Variants in ZHX2 observed in about 807,000 individuals in gnomAD.
The protein encoded by ZHX2 is zinc fingers and homeoboxes 2.
Under a neutral mutation model 21.9 loss-of-function variants are expected in ZHX2, and 6 were observed. That is an observed-to-expected ratio of 0.27 (90% CI 0.15 to 0.54). The LOEUF (loss-of-function observed/expected upper bound fraction) is 0.54. Among genes scored for constraint, ZHX2 ranks in the 20% least tolerant of loss-of-function variants. ZHX2 has a pLI of 0.95. For missense variants in ZHX2, 908 were observed against 1,090.7 expected, an observed-to-expected ratio of 0.83 and a Z score of 2.36; for synonymous variants, 434 against 437.1, an observed-to-expected ratio of 0.99 and a Z score of 0.09.
chr8:122,884,515 G>A (rs1819792061), intron 2 of ZHX2, among the ~76,000 whole-genome samples: 1 of 152,204 alleles, frequency 6.6e-6, no homozygotes, highest in African/African-American at 2.4e-5. Context: ...GCCTCTTGCT[G>A]GTGTCACAAA....
In ZHX2 at chr8:122,952,865, C is replaced by T. The variant is rs2130286582; in HGVS notation, c.1355C>T (p.Ala452Val). Residue 452 changes from alanine to valine, a missense_variant, in exon 3 of 4, where the codon GCA (alanine) becomes GTA (valine). Physicochemically the swap from Ala to Val is moderately conservative, Grantham distance 64 (BLOSUM62 0). This residue lies in a region of ZHX2 where 232 missense variants were observed against 361.8 expected (regional missense o/e 0.64). Coordinates refer to ENST00000314393, the MANE Select transcript of ZHX2 (RefSeq NM_014943.5). The surrounding 1 kb of genome is among the most constrained non-coding windows in gnomAD (Gnocchi z 6.9). ...CGCAAGAAGACAAAGGAGCAGATAG[C>T]ACATCTCAAGGCCAGCTTTCTCCAG... ...SDRKKTKEQI[A>V]HLKASFLQSQ... is the part of the protein sequence containing the mutation. The T allele has an allele frequency of 1.2e-6, 2 of 1,614,156 alleles. No homozygotes were observed. Among genetic ancestry groups the T allele is most frequent in the Middle Eastern group, 1.6e-4 (1 of 6,062 alleles).
At chr8:122,809,229 G>C (rs775066403) in intron 1 of ZHX2, 1 of 152,552 alleles carries the variant, frequency 6.6e-6, no homozygotes, top group Non-Finnish European at 1.5e-5. Context: ...CAGGTACAGT[G>C]GCTCATGCCT....
chr8:122,923,923 A>G (rs141367666), intron 2 of ZHX2, among the ~76,000 whole-genome samples: 2 of 152,254 alleles, frequency 1.3e-5, no homozygotes, highest in East Asian at 3.9e-4. Context: ...TATACATCAA[A>G]TTTGCTAAAA....
At chr8:122,971,922 G>A (rs1813735331) in intron 3 of ZHX2, among the ~76,000 whole-genome samples, 1 of 152,156 alleles carries the variant, frequency 6.6e-6, no homozygotes, top group Non-Finnish European at 1.5e-5. Flanking sequence ...AGTTCTGCAG[G>A]CCAGAAGACA....
At chr8:122,966,367 G>A (rs547630854) in intron 3 of ZHX2, among the ~76,000 whole-genome samples, 1 of 152,230 alleles carries the variant, frequency 6.6e-6, no homozygotes, top group South Asian at 2.1e-4. Context: ...AATTCTCTCA[G>A]TATTTGTTTG....
chr8:122,956,523 G>C (rs964067421), intron 3 of ZHX2, among the ~76,000 whole-genome samples: 4 of 152,112 alleles, frequency 2.6e-5, no homozygotes, highest in Admixed American at 6.6e-5. Context: ...GAAGGAGTTA[G>C]CCAAGTGCAC....
chr8:122,940,090 T>G (rs529533461), intron 2 of ZHX2, among the ~76,000 whole-genome samples: 34 of 152,324 alleles, frequency 2.2e-4, no homozygotes, highest in African/African-American at 8.2e-4. Flanking sequence ...TGGTATTCTC[T>G]GGCTTGCATG....
At chr8:122,825,259 CCCA>C (rs1818239768) in intron 1 of ZHX2, among the ~76,000 whole-genome samples, 1 of 152,152 alleles carries the variant, frequency 6.6e-6, no homozygotes, top group Non-Finnish European at 1.5e-5. Context: ...CCTGATGACC[CCCA>C]CACCTTCTGT....
At chr8:122,965,345 C>T (rs995506737) in intron 3 of ZHX2, among the ~76,000 whole-genome samples, 1 of 151,954 alleles carries the variant, frequency 6.6e-6, no homozygotes, top group Non-Finnish European at 1.5e-5. Flanking sequence ...TGATCAGTTG[C>T]ATCACTATTA....
intron 2 of ZHX2, among the ~76,000 whole-genome samples, chr8:122,877,265 G>T (rs1357380895): frequency 1.3e-5 from 2 of 152,170 alleles, no homozygotes; most frequent in Non-Finnish European, 2.9e-5. Flanking sequence ...AGAAGCACTA[G>T]AACAGTACTT....
At chr8:122,895,944 A>T (rs932607277) in intron 2 of ZHX2, among the ~76,000 whole-genome samples, 1 of 152,060 alleles carries the variant, frequency 6.6e-6, no homozygotes, top group Non-Finnish European at 1.5e-5. Context: ...CTTTCTTGCA[A>T]TCAGTGATTC....
chr8:122,788,111 C>G (rs998203305), intron 1 of ZHX2, among the ~76,000 whole-genome samples: 8 of 152,230 alleles, frequency 5.3e-5, no homozygotes, highest in African/African-American at 1.9e-4. Flanking sequence ...AGCACAAGCA[C>G]ATGGTGTTCA....
At chr8:122,801,284 ATTAC>A (rs138002897) in intron 1 of ZHX2, among the ~76,000 whole-genome samples, 9,473 of 152,234 alleles carry the variant, frequency 0.062, 392 homozygotes, top group African/African-American at 0.11. Context: ...TAATAAAATA[ATTAC>A]TTAAGTAAAC....
At chr8:122,852,917 C>T (rs1258288280) in intron 1 of ZHX2, among the ~76,000 whole-genome samples, 2 of 152,018 alleles carry the variant, frequency 1.3e-5, no homozygotes, top group Admixed American at 6.6e-5. Context: ...GAAAATGAAG[C>T]CCTTATGGTC....
At chr8:122,894,661 G>T (rs756262413) in intron 2 of ZHX2, among the ~76,000 whole-genome samples, 1 of 152,104 alleles carries the variant, frequency 6.6e-6, no homozygotes, top group Admixed American at 6.5e-5. Context: ...TGCGGGGAGC[G>T]GGGAGGGATA....
upstream of ZHX2, chr8:122,781,061 G>A (rs1817268453): frequency 6.6e-6 from 1 of 152,208 alleles, no homozygotes; most frequent in Admixed American, 6.5e-5. This position sits in a 1 kb window ranked among gnomAD's most constrained non-coding sequence, Gnocchi z 4.6. Flanking sequence ...AGTAAAATGT[G>A]TCTCGCTCAA....
chr8:122,823,206 C>T (rs1818192802), intron 1 of ZHX2, among the ~76,000 whole-genome samples: 1 of 152,162 alleles, frequency 6.6e-6, no homozygotes, highest in African/African-American at 2.4e-5. Context: ...GAATTGGGGA[C>T]CTTGATCATT....
In ZHX2 at chr8:122,854,293, C is replaced by T. The variant is rs190267897; in HGVS notation, c.-282-9184C>T. On this transcript the variant is annotated intron_variant, in intron 1 of 3. Coordinates refer to ENST00000314393, the MANE Select transcript of ZHX2 (RefSeq NM_014943.5). ...CTTGTACGAATGCAGCTTTTCTGGC[C>T]CTTGGTTCCATCATCTACAACATGA... Among the ~76,000 whole-genome samples the T allele has an allele frequency of 4.0e-4, 61 of 152,296 alleles. No homozygotes were observed. The East Asian group carries it at 0.01, about 25-fold the overall frequency.
intron 3 of ZHX2, among the ~76,000 whole-genome samples, chr8:122,954,389 C>T (rs1586422481): frequency 6.6e-6 from 1 of 152,066 alleles, no homozygotes; most frequent in Non-Finnish European, 1.5e-5. Flanking sequence ...GTCATTGTAG[C>T]CTCAAACTCC....
Sources: gnomAD v4.1 joint callset for allele counts (sites outside exome capture counted in the v4.1 genomes callset) on GRCh38, gnomAD v4.1.1 for gene constraint, gnomAD v4.1.1 regional missense constraint, Gnocchi (gnomAD v3.1) non-coding constraint, MANE v1.5 for transcripts, NCBI Gene and HGNC (gene_info 2026-07-23, HGNC 2026-07-21) for gene names.